The following TBX15 variants were observed in gnomAD, a reference collection of about 807,000 sequenced individuals.
The protein encoded by TBX15 is T-box transcription factor TBX15.
TBX15 carries 18 observed loss-of-function variants against 53.9 expected under a neutral mutation model. The observed-to-expected ratio is 0.33, with a 90% CI of 0.23 to 0.49. TBX15 has a LOEUF of 0.49. TBX15 is among the 20% of genes least tolerant of loss of function. The probability of loss-of-function intolerance (pLI) is 0.98; values close to 1 mark genes in which losing one functional copy is unlikely to be tolerated. For synonymous variants in TBX15, 295 were observed against 278.0 expected (o/e 1.06, Z -0.61); for missense variants, 692 against 749.5 (o/e 0.92, Z 0.90).
At chr1:118,914,824 G>T (rs1306449449) in intron 5 of TBX15, among the ~76,000 whole-genome samples, 2 of 152,170 alleles carry the variant, frequency 1.3e-5, no homozygotes, top group Non-Finnish European at 2.9e-5. Context: ...ACTGAATGGG[G>T]CAGGATGCAG....
At chr1:118,927,060 C>G (rs1655624785) in intron 2 of TBX15, among the ~76,000 whole-genome samples, 1 of 152,180 alleles carries the variant, frequency 6.6e-6, no homozygotes, top group African/African-American at 2.4e-5. Flanking sequence ...CTAAGCATAT[C>G]AAATTCTAAT....
chr1:118,890,865 A>T (rs1170820971), intron 7 of TBX15: 2 of 1,302,414 alleles, frequency 1.5e-6, no homozygotes, highest in Non-Finnish European at 2.0e-6. Context: ...CCATGTAATT[A>T]CTTCGTTCCA....
intron 5 of TBX15, among the ~76,000 whole-genome samples, chr1:118,922,084 C>G (rs1376323117): frequency 6.6e-6 from 1 of 152,174 alleles, no homozygotes; most frequent in Non-Finnish European, 1.5e-5. Context: ...TAAATCATAT[C>G]TGCGCAGCCA....
chr1:118,977,246 T>A (rs574345835), intron 1 of TBX15, among the ~76,000 whole-genome samples: 1 of 152,082 alleles, frequency 6.6e-6, no homozygotes, highest in South Asian at 2.1e-4. Flanking sequence ...TAAGATAGAG[T>A]ATTTTGTGAG....
intron 1 of TBX15, 85 bp downstream of exon 1, chr1:118,987,506 G>T: frequency 1.4e-6 from 2 of 1,445,248 alleles, no homozygotes; most frequent in Non-Finnish European, 9.2e-7. Flanking sequence ...CAATGGCAGG[G>T]CCTAGCTCCT....
chr1:118,893,337 G>A (rs1328757926), intron 7 of TBX15, among the ~76,000 whole-genome samples: 2 of 55,086 alleles, frequency 3.6e-5, no homozygotes, highest in African/African-American at 1.3e-4. Context: ...AAGAAAGAAG[G>A]AAGGAAGGAA....
Position 118,978,661 on chromosome 1 carries a change from A to G in TBX15, c.205+8930T>C, listed in dbSNP as rs1657520632. On this transcript the variant is annotated intron_variant, in intron 1 of 7. Transcript: ENST00000369429. ...AAATATGGATATAATACAGAACATG[A>G]AGGTCTGTGTTGAAAGCTTTGCAGG... Among the ~76,000 whole-genome samples the G allele has an allele frequency of 2.0e-5, 3 of 152,304 alleles. No individual in the cohort carries two copies. The South Asian group carries it at 6.2e-4, about 32-fold the overall frequency.
intron 1 of TBX15, among the ~76,000 whole-genome samples, chr1:118,968,191 C>A (rs1657117343): frequency 6.6e-6 from 1 of 152,106 alleles, no homozygotes; most frequent in Non-Finnish European, 1.5e-5. Context: ...ACCTGGCTGT[C>A]CATCAAAATC....
intron 1 of TBX15, among the ~76,000 whole-genome samples, chr1:118,958,842 T>G (rs1656775612): frequency 6.6e-6 from 1 of 152,156 alleles, no homozygotes; most frequent in East Asian, 1.9e-4. Flanking sequence ...AGAAAAATAT[T>G]AAACAGCTGT....
At position 118,933,579 on chromosome 1, in the gene TBX15, A is replaced by T. The variant is rs10923700; in HGVS notation, c.206-1747T>A. ...TCTTCTCCAAGCACTGAAAAGTAGA[A>T]CTACTTATCTAAGATGACAGCTGTT... On this transcript the variant is annotated intron_variant, in intron 1 of 7. Transcript: ENST00000369429. Among the ~76,000 whole-genome samples, 416 of 152,270 alleles carry T rather than the reference A, an allele frequency of 2.7e-3. 1 individual carries two copies. The highest frequency in any genetic ancestry group is 9.3e-3 in the African/African-American group (385 of 41,550).
chr1:118,924,746 A>G lies in TBX15; in HGVS notation c.593T>C (p.Ile198Thr). The G allele has an allele frequency of 2.5e-6, 4 of 1,614,120 alleles. No individual in the cohort carries two copies. The highest frequency in any genetic ancestry group is 1.3e-5 in the African/African-American group (1 of 75,030). ...ADSPVPPRVY[I>T]HPDSLASGDT... is the part of the protein sequence containing the mutation. ...TCCAGAAGCTAGAGAATCAGGGTGTATATAAACTCTTGGGGGCACAGGGGA... is the reference window on the plus strand; with the variant it reads ...TCCAGAAGCTAGAGAATCAGGGTGTGTATAAACTCTTGGGGGCACAGGGGA... The change falls in exon 4 of 8, where the codon ATA becomes ACA. Residue 198 changes from isoleucine to threonine, a missense_variant. Physicochemically the swap from Ile to Thr is moderately conservative, Grantham distance 89. This residue lies in a region of TBX15 where 307 missense variants were observed against 347.5 expected (regional missense o/e 0.88). Coordinates refer to ENST00000369429, the MANE Select transcript of TBX15 (RefSeq NM_001330677.2).
chr1:118,970,711 T>A (rs962185131), intron 1 of TBX15, among the ~76,000 whole-genome samples: 3 of 152,112 alleles, frequency 2.0e-5, no homozygotes, highest in Non-Finnish European at 4.4e-5. Flanking sequence ...GACTGTGCAG[T>A]TTTTTAATGC....
At chr1:118,932,348 A>G (rs1571185625) in intron 1 of TBX15, among the ~76,000 whole-genome samples, 1 of 152,206 alleles carries the variant, frequency 6.6e-6, no homozygotes, top group South Asian at 2.1e-4. Context: ...CTCTACTTAC[A>G]TAAGCCATGG....
Position 118,884,778 on chromosome 1 carries a change from C to T in TBX15, c.1763G>A (p.Gly588Glu), listed in dbSNP as rs745406485. 1.9e-6 allele frequency: 3 copies of T among 1,614,068 alleles called. No homozygotes were observed. Among genetic ancestry groups the T allele is most frequent in the East Asian group, 2.2e-5 (1 of 44,852 alleles). ...ATNTCDGRQYGAVPGSSSQMS... is the reference protein window; with the variant it reads ...ATNTCDGRQYEAVPGSSSQMS... The stretch of plus-strand genomic sequence containing the variant: ...CTGGGAGGAGGAGCCTGGAACTGCC[C>T]CATACTGCCGGCCATCACAAGTGTT... Residue 588 changes from glycine to glutamate, a missense_variant, in exon 8 of 8, where the codon GGG becomes GAG. Physicochemically the swap from Gly to Glu is moderately conservative, Grantham distance 98. Coordinates refer to ENST00000369429, the MANE Select transcript of TBX15 (RefSeq NM_001330677.2).
At chr1:118,952,520 G>A (rs147029670) in intron 1 of TBX15, among the ~76,000 whole-genome samples, 286 of 152,220 alleles carry the variant, frequency 1.9e-3, no homozygotes, top group African/African-American at 6.3e-3. Context: ...CTCACTCAGT[G>A]CCCTCACTGA....
intron 6 of TBX15, among the ~76,000 whole-genome samples, chr1:118,907,013 G>C (rs546972998): frequency 6.6e-6 from 1 of 152,332 alleles, no homozygotes; most frequent in South Asian, 2.1e-4. Flanking sequence ...CTAAGTTATA[G>C]AATTTGAGTT....
Position 118,931,677 on chromosome 1 carries a change from C to T in TBX15, c.361G>A (p.Asp121Asn). 1 of 1,614,048 alleles carries T rather than the reference C, an allele frequency of 6.2e-7. No homozygotes were observed. The highest frequency in any genetic ancestry group is 8.5e-7 in the Non-Finnish European group (1 of 1,179,952). The change falls in exon 2 of 8, where the codon GAC becomes AAC. Residue 121 changes from aspartate (D) to asparagine (N), a missense_variant. Around this residue, in one of 3 missense-constraint regions of TBX15, gnomAD observed 307 missense variants for 347.5 expected, o/e 0.88. Transcript: ENST00000369429. ...EEIQVELQCADLWKRFHDIGT... is the reference protein window; with the variant it reads ...EEIQVELQCANLWKRFHDIGT... ...ATATCATGGAACCGCTTCCAGAGGT[C>T]AGCACATTGCAGCTCCACCTGAATC...
chr1:118,893,368 A>G lies in TBX15; in HGVS notation c.1024+5660T>C, dbSNP rs867195190. On this transcript the variant is annotated intron_variant, in intron 7 of 7. Transcript: ENST00000369429. ...AGGAAGGAAGGAAGGAAAGAAAGAA[A>G]GAAAGAAAGAAAGAAAGAAAGAAAG... is the stretch of plus-strand genomic sequence containing the variant. Among the ~76,000 whole-genome samples the G allele has an allele frequency of 4.2e-3, 330 of 78,238 alleles. 5 individuals are homozygous for G. The highest frequency in any genetic ancestry group is 8.3e-3 in the African/African-American group (143 of 17,172). The allele number at this position is 78,238 out of a possible 152,430, so 51.3% of individuals were successfully genotyped here.
chr1:118,884,269 G>C lies in TBX15; in HGVS notation c.*463C>G. Reference sequence around the variant, plus strand: ...CCCATTCTGGGCCTCCCTCCACAGAGTTCACCCAGTTCAGAGTCAGTGTGC... The same window carrying C: ...CCCATTCTGGGCCTCCCTCCACAGACTTCACCCAGTTCAGAGTCAGTGTGC... On this transcript the variant is annotated 3_prime_UTR_variant, in exon 8 of 8. Coordinates refer to ENST00000369429, the MANE Select transcript of TBX15 (RefSeq NM_001330677.2). 1 of 178,862 alleles carries C rather than the reference G, an allele frequency of 5.6e-6. No individual in the cohort carries two copies. The highest frequency in any genetic ancestry group is 1.2e-4 in the South Asian group (1 of 8,454). 11.1% of individuals were successfully genotyped at this position (178,862 alleles called of 1,614,324 possible).
Sources: gnomAD v4.1 joint callset for allele counts (sites outside exome capture counted in the v4.1 genomes callset) on GRCh38, gnomAD v4.1.1 for gene constraint, gnomAD v4.1.1 regional missense constraint, MANE v1.5 for transcripts, NCBI Gene and HGNC (gene_info 2026-07-23, HGNC 2026-07-21) for gene names.